Variants in SLC16A7 observed in about 807,000 individuals in gnomAD.
SLC16A7 encodes solute carrier family 16 member 7.
SLC16A7 carries 33 observed loss-of-function variants against 34.9 expected under a neutral mutation model. The ratio of observed to expected loss-of-function variants is 0.94; its 90% CI spans 0.72 to 1.26. The LOEUF (loss-of-function observed/expected upper bound fraction) is 1.26, where lower values mean the gene tolerates loss of function less well. Among genes scored for constraint, SLC16A7 ranks in the 50% most tolerant of loss-of-function variants. The pLI, the probability that SLC16A7 is intolerant of heterozygous loss-of-function variation, is 0.00. For missense variants in SLC16A7, 573 were observed against 578.1 expected (o/e 0.99, Z 0.09); for synonymous variants, 201 against 206.6 (o/e 0.97, Z 0.23).
At chr12:59,751,552 G>T (rs1334063758) in intron 3 of SLC16A7, among the ~76,000 whole-genome samples, 2 of 152,224 alleles carry the variant, frequency 1.3e-5, no homozygotes. Context: ...GGCTGGGGGA[G>T]GTGCGCCCGC....
intron 2 of SLC16A7, among the ~76,000 whole-genome samples, chr12:59,673,375 C>T (rs969977406): frequency 6.6e-6 from 1 of 151,974 alleles, no homozygotes; most frequent in Non-Finnish European, 1.5e-5. Flanking sequence ...TCAGAATGTG[C>T]CATAACATAG....
intron 2 of SLC16A7, among the ~76,000 whole-genome samples, chr12:59,671,889 GTACATA>G (rs1288353356): frequency 1.8e-4 from 22 of 122,116 alleles, no homozygotes; most frequent in Non-Finnish European, 2.7e-4. Flanking sequence ...ATGTATATAT[GTACATA>G]TGTATATATA....
intron 2 of SLC16A7, among the ~76,000 whole-genome samples, chr12:59,678,641 T>G (rs1870501683): frequency 6.6e-6 from 1 of 152,122 alleles, no homozygotes; most frequent in South Asian, 2.1e-4. Flanking sequence ...GATTGGCTCA[T>G]GGGCAGCCAC....
At chr12:59,733,119 G>A (rs1481909544) in intron 3 of SLC16A7, among the ~76,000 whole-genome samples, 1 of 152,162 alleles carries the variant, frequency 6.6e-6, no homozygotes, top group African/African-American at 2.4e-5. Context: ...GAAGATTTGG[G>A]TTAGGGTCAT....
chr12:59,779,486 T>C lies in SLC16A7; in HGVS notation c.1244T>C (p.Val415Ala), dbSNP rs747462003. ...YMYMSCGAIV[V>A]AASVWLLIGN... The stretch of plus-strand genomic sequence containing the variant: ...TACATGTCCTGTGGGGCTATTGTGG[T>C]AGCAGCAAGCGTGTGGCTGCTCATT... Residue 415 changes from valine (V) to alanine (A), a missense_variant, in exon 6 of 6, where the codon GTA (valine) becomes GCA (alanine). By Grantham distance (64) the Val-to-Ala change is moderately conservative. Transcript: ENST00000547379. 2 of 1,610,262 alleles carry C rather than the reference T, an allele frequency of 1.2e-6. No individual in the cohort carries two copies. The highest frequency in any genetic ancestry group is 2.7e-5 in the African/African-American group (2 of 74,812).
intron 1 of SLC16A7, among the ~76,000 whole-genome samples, chr12:59,609,053 A>G (rs1023901878): frequency 1.3e-5 from 2 of 152,236 alleles, no homozygotes; most frequent in Non-Finnish European, 1.5e-5. Flanking sequence ...TGAAAAATCA[A>G]TTCACAAAAG....
At chr12:59,668,099 G>C (rs1869359231) in intron 2 of SLC16A7, among the ~76,000 whole-genome samples, 1 of 152,364 alleles carries the variant, frequency 6.6e-6, no homozygotes, top group Non-Finnish European at 1.5e-5. Context: ...GTTTGCTGCA[G>C]GGGAGGGGCC....
intron 3 of SLC16A7, among the ~76,000 whole-genome samples, chr12:59,743,935 G>A (rs1474646281): frequency 6.6e-6 from 1 of 152,148 alleles, no homozygotes; most frequent in African/African-American, 2.4e-5. Flanking sequence ...CAGTCTTACT[G>A]AGAGAAAATG....
chr12:59,768,194 G>T (rs577050071), intron 3 of SLC16A7: 4 of 455,838 alleles, frequency 8.8e-6, no homozygotes, highest in African/African-American at 8.0e-5. Flanking sequence ...GAAAGGATTT[G>T]CTATTCTAGA....
chr12:59,676,531 G>T (rs1407849214), intron 2 of SLC16A7, among the ~76,000 whole-genome samples: 1 of 151,704 alleles, frequency 6.6e-6, no homozygotes, highest in Non-Finnish European at 1.5e-5. Context: ...CATACCAAAT[G>T]GATGTGAAGA....
intron 1 of SLC16A7, among the ~76,000 whole-genome samples, chr12:59,634,359 G>T (rs569784912): frequency 3.2e-4 from 49 of 152,190 alleles, no homozygotes; most frequent in Non-Finnish European, 2.6e-4. Context: ...GTTAAAGCTT[G>T]GTAAGAAAGA....
chr12:59,711,547 G>T (rs1874228725), intron 3 of SLC16A7, among the ~76,000 whole-genome samples: 1 of 152,118 alleles, frequency 6.6e-6, no homozygotes, highest in Admixed American at 6.5e-5. Flanking sequence ...TTGAAACAGG[G>T]TCACTCTGTT....
At chr12:59,658,496 A>G (rs1172320022) in intron 2 of SLC16A7, among the ~76,000 whole-genome samples, 1 of 152,060 alleles carries the variant, frequency 6.6e-6, no homozygotes, top group Non-Finnish European at 1.5e-5. Context: ...AATAGGAACT[A>G]TTTGACCAAA....
intron 3 of SLC16A7, among the ~76,000 whole-genome samples, chr12:59,744,823 T>C (rs1878717602): frequency 6.6e-6 from 1 of 152,064 alleles, no homozygotes; most frequent in Admixed American, 6.5e-5. Flanking sequence ...CAAAAGCGCT[T>C]GCCCCAACTC....
chr12:59,716,603 T>C (rs1197559992), intron 3 of SLC16A7, among the ~76,000 whole-genome samples: 6 of 152,172 alleles, frequency 3.9e-5, no homozygotes, highest in Admixed American at 3.9e-4. Flanking sequence ...ATCCCAGAAC[T>C]TTGAGAGGCC....
At chr12:59,766,745 GA>G in intron 3 of SLC16A7, among the ~76,000 whole-genome samples, 1 of 152,272 alleles carries the variant, frequency 6.6e-6, no homozygotes, top group African/African-American at 2.4e-5. Context: ...GTATTTTATT[GA>G]GGATTTTTGC....
At chr12:59,660,066 G>A (rs1425159128) in intron 2 of SLC16A7, among the ~76,000 whole-genome samples, 1 of 151,522 alleles carries the variant, frequency 6.6e-6, no homozygotes, top group African/African-American at 2.4e-5. Context: ...TTTATTTTGT[G>A]GTTTTTGTTT....
Position 59,775,253 on chromosome 12 carries a change from G to T in SLC16A7, c.958G>T (p.Ala320Ser). ...RPRIQYFFSF[A>S]IMFNGVCHLL... is the part of the protein sequence containing the mutation. ...TCGAATTCAGTACTTCTTCAGTTTT[G>T]CAATCATGTTCAATGGAGTGTGTCA... Residue 320 changes from alanine to serine, a missense_variant, in exon 5 of 6, where the codon GCA becomes TCA. Ala to Ser is a moderately conservative substitution (Grantham distance 99, BLOSUM62 1). Coordinates refer to ENST00000547379, the MANE Select transcript of SLC16A7 (RefSeq NM_001270623.2). 6 of 1,614,134 alleles carry T rather than the reference G, an allele frequency of 3.7e-6. No homozygotes were observed. Among genetic ancestry groups the T allele is most frequent in the Non-Finnish European group, 5.1e-6 (6 of 1,180,002 alleles).
At chr12:59,732,311 T>A (rs978851948) in intron 3 of SLC16A7, among the ~76,000 whole-genome samples, 1 of 151,800 alleles carries the variant, frequency 6.6e-6, no homozygotes, top group East Asian at 1.9e-4. Flanking sequence ...TCCCAGCTAC[T>A]TGGGAGGCTG....
Sources: gnomAD v4.1 joint callset for allele counts (sites outside exome capture counted in the v4.1 genomes callset) on GRCh38, gnomAD v4.1.1 for gene constraint, MANE v1.5 for transcripts, NCBI Gene and HGNC (gene_info 2026-07-23, HGNC 2026-07-21) for gene names.